Variants in MAGI2 observed in about 807,000 individuals in gnomAD.
MAGI2 encodes membrane associated guanylate kinase, WW and PDZ domain containing 2.
Under a neutral mutation model 133.3 loss-of-function variants are expected in MAGI2, and 35 were observed. That is an observed-to-expected ratio of 0.26 (90% confidence interval 0.20 to 0.35). The LOEUF is 0.35. MAGI2 is among the 10% of genes least tolerant of loss of function. MAGI2 has a pLI of 1.00. For missense variants in MAGI2, 1,636 were observed against 1,863.4 expected (o/e 0.88, Z 2.25); for synonymous variants, 729 against 710.6 (o/e 1.03, Z -0.41).
chr7:78,109,303 C>CAAAAAAAAAAAAAAAAAAAAAAAAAAAAA (rs71085511), intron 20 of MAGI2, among the ~76,000 whole-genome samples: 9 of 19,948 alleles, frequency 4.5e-4, no homozygotes, highest in Non-Finnish European at 6.0e-4. Flanking sequence ...GACTCCGTCT[C>CAAAAAAAAAAAAAAAAAAAAAAAAAAAAA]AAAAAAAAAA....
chr7:79,446,571 C>G (rs775522227), intron 1 of MAGI2, among the ~76,000 whole-genome samples: 55 of 152,042 alleles, frequency 3.6e-4, no homozygotes, highest in Non-Finnish European at 4.4e-4. Flanking sequence ...CCAGGTAGAG[C>G]AAGCCATCTA....
intron 12 of MAGI2, among the ~76,000 whole-genome samples, chr7:78,188,377 G>A (rs1265203229): frequency 6.6e-6 from 1 of 152,096 alleles, no homozygotes; most frequent in African/African-American, 2.4e-5. Flanking sequence ...CCAGCTGAAA[G>A]GCAAATTTTT....
intron 1 of MAGI2, among the ~76,000 whole-genome samples, chr7:79,366,704 A>G (rs183872686): frequency 6.4e-4 from 98 of 152,314 alleles, no homozygotes; most frequent in African/African-American, 2.2e-3. Context: ...ATTATTTCTT[A>G]TAACTGCATA....
intron 10 of MAGI2, among the ~76,000 whole-genome samples, chr7:78,202,727 T>C (rs962607099): frequency 6.7e-6 from 1 of 149,702 alleles, no homozygotes; most frequent in African/African-American, 2.5e-5. Context: ...TAATCCATCA[T>C]GTTTCTTAGC....
At chr7:78,752,217 G>A (rs1823518827) in intron 2 of MAGI2, among the ~76,000 whole-genome samples, 1 of 152,158 alleles carries the variant, frequency 6.6e-6, no homozygotes, top group South Asian at 2.1e-4. Flanking sequence ...GCAGCAGAGG[G>A]GAAGTTTAGT....
chr7:78,124,725 A>G (rs1005080236), intron 20 of MAGI2, among the ~76,000 whole-genome samples: 1 of 152,142 alleles, frequency 6.6e-6, no homozygotes, highest in Non-Finnish European at 1.5e-5. Context: ...AAAGAGACTA[A>G]TATTTTATAT....
rs78543024 is a variant in MAGI2, at chr7:79,237,747, C to G, written c.301+215273G>C. ...CATTTTACAAACATGATTTTGATTG[C>G]TTGAACAATAATCCATCCTTGCATA... On this transcript the variant is annotated intron_variant, in intron 1 of 21. Transcript: ENST00000354212. Among the ~76,000 whole-genome samples the G allele has an allele frequency of 7.4e-4, 112 of 152,246 alleles. 1 individual carries two copies. The East Asian group carries it at 0.02, about 27-fold the overall frequency.
intron 2 of MAGI2, among the ~76,000 whole-genome samples, chr7:78,645,536 C>T (rs1039305143): frequency 1.2e-4 from 18 of 151,928 alleles, no homozygotes; most frequent in Admixed American, 1.1e-3. Flanking sequence ...ACCATATCAA[C>T]AAACTAGAGA....
intron 3 of MAGI2, among the ~76,000 whole-genome samples, chr7:78,592,878 A>T (rs1241615572): frequency 1.6e-5 from 2 of 125,702 alleles, no homozygotes; most frequent in Non-Finnish European, 3.1e-5. Flanking sequence ...TCTGTTGCCC[A>T]GGCTGGAGGG....
At chr7:79,186,248 A>G (rs1466811040) in intron 1 of MAGI2, among the ~76,000 whole-genome samples, 2 of 131,044 alleles carry the variant, frequency 1.5e-5, no homozygotes, top group Non-Finnish European at 3.2e-5. Flanking sequence ...ATATATTTAT[A>G]TTTATTTATT....
chr7:79,380,560 T>A (rs907730246), intron 1 of MAGI2, among the ~76,000 whole-genome samples: 1 of 151,832 alleles, frequency 6.6e-6, no homozygotes, highest in Non-Finnish European at 1.5e-5. Context: ...AGAGTTATTG[T>A]TAATCATCCT....
intron 2 of MAGI2, among the ~76,000 whole-genome samples, chr7:78,817,581 A>G (rs1440635568): frequency 3.3e-5 from 5 of 152,194 alleles, no homozygotes; most frequent in Admixed American, 2.0e-4. Context: ...AAGAACCCCC[A>G]TTGGCAACCA....
chr7:78,462,732 T>A (rs367603002), intron 6 of MAGI2, among the ~76,000 whole-genome samples: 1 of 152,172 alleles, frequency 6.6e-6, no homozygotes, highest in Non-Finnish European at 1.5e-5. Flanking sequence ...ATCAAAAGCT[T>A]CCTAGAAAAT....
rs75590819 is a variant in MAGI2, at chr7:78,805,330, C to T, written c.419-178091G>A. 4.5e-3 allele frequency among the ~76,000 whole-genome samples: 682 copies of T among 151,118 alleles called. 7 individuals carry two copies. Among genetic ancestry groups the T allele is most frequent in the African/African-American group, 0.016 (647 of 41,268 alleles). ...ATAGGACTAATATTTCTTATTATCA[C>T]TTATGGGTGCTCATTTAATCATGTT... On this transcript the variant is annotated intron_variant, in intron 2 of 21. Transcript: ENST00000354212.
At chr7:78,922,753 C>T (rs1799362222) in intron 2 of MAGI2, among the ~76,000 whole-genome samples, 1 of 151,788 alleles carries the variant, frequency 6.6e-6, no homozygotes, top group Non-Finnish European at 1.5e-5. Context: ...TTCTAGATCC[C>T]TGAGGAATCG....
In MAGI2 at chr7:78,194,862, G is replaced by A. The variant is rs1056974639; in HGVS notation, c.2269+12C>T. 3.8e-6 allele frequency: 6 copies of A among 1,582,268 alleles called. No homozygotes were observed. The highest frequency in any genetic ancestry group is 1.4e-5 in the African/African-American group (1 of 73,232). ...TATTAATGTACCCTTGTTTCATGTG[G>A]CTTTCACTTACGCCTACTTTCATAA... On this transcript the variant is annotated intron_variant, in intron 12 of 21. Coordinates refer to ENST00000354212, the MANE Select transcript of MAGI2 (RefSeq NM_012301.4).
At chr7:78,757,219 CTGTT>C (rs1824037049) in intron 2 of MAGI2, among the ~76,000 whole-genome samples, 1 of 152,104 alleles carries the variant, frequency 6.6e-6, no homozygotes, top group Non-Finnish European at 1.5e-5. Flanking sequence ...GACAGCCTCT[CTGTT>C]TGTGCTCTGC....
At chr7:78,205,434 A>G (rs1229582100) in intron 10 of MAGI2, among the ~76,000 whole-genome samples, 1 of 152,180 alleles carries the variant, frequency 6.6e-6, no homozygotes, top group Non-Finnish European at 1.5e-5. Flanking sequence ...GCCTGGCCCA[A>G]AATACAACTT....
intron 6 of MAGI2, among the ~76,000 whole-genome samples, chr7:78,427,886 A>G (rs962809105): frequency 2.6e-5 from 4 of 152,122 alleles, no homozygotes; most frequent in Non-Finnish European, 5.9e-5. Context: ...CTCCTGAAAA[A>G]GAATTATAAA....
Sources: allele counts gnomAD v4.1 joint callset (sites outside exome capture counted in the v4.1 genomes callset), GRCh38; gene constraint gnomAD v4.1.1; transcripts MANE v1.5; gene names NCBI Gene and HGNC (gene_info 2026-07-23, HGNC 2026-07-21).